EPC2: variants seen among roughly 807,000 people sequenced by gnomAD.
EPC2 encodes enhancer of polycomb homolog 2.
A neutral mutation model predicts 92.1 loss-of-function variants in EPC2; 14 were observed. The observed-to-expected ratio is 0.15, with a 90% CI of 0.10 to 0.24. EPC2 has a LOEUF of 0.24. Ranked by LOEUF, EPC2 falls within the 10% of genes least tolerant of loss-of-function variation. The pLI is 1.00. For synonymous variants in EPC2, 340 were observed against 334.7 expected (o/e 1.02, Z -0.17); for missense variants, 755 against 971.5 (o/e 0.78, Z 2.96).
At chr2:148,749,053 C>T (rs745736685) in intron 3 of EPC2, among the ~76,000 whole-genome samples, 1 of 152,146 alleles carries the variant, frequency 6.6e-6, no homozygotes, top group Admixed American at 6.6e-5. Flanking sequence ...TCTTTCTGGT[C>T]CTCTAATGTA....
intron 2 of EPC2, among the ~76,000 whole-genome samples, chr2:148,728,752 G>T (rs1199276782): frequency 1.3e-4 from 19 of 150,352 alleles, no homozygotes; most frequent in African/African-American, 4.6e-4. Context: ...TTAAAAAAAG[G>T]CCGGGCACGG....
At chr2:148,778,682 T>G (rs1558838566) in intron 10 of EPC2, among the ~76,000 whole-genome samples, 1 of 152,160 alleles carries the variant, frequency 6.6e-6, no homozygotes, top group Non-Finnish European at 1.5e-5. Flanking sequence ...GTTTTGTATG[T>G]GTTCCAATTT....
At chr2:148,759,241 C>CGTG (rs1430187950) in intron 4 of EPC2, among the ~76,000 whole-genome samples, 1 of 152,040 alleles carries the variant, frequency 6.6e-6, no homozygotes, top group Non-Finnish European at 1.5e-5. Context: ...TACAGGCGCC[C>CGTG]ATCACCACAC....
At chr2:148,659,434 A>G (rs1680888867) in intron 1 of EPC2, among the ~76,000 whole-genome samples, 3 of 152,124 alleles carry the variant, frequency 2.0e-5, no homozygotes, top group African/African-American at 7.2e-5. Context: ...TTTTCTGAGA[A>G]ATCTGAGGAG....
In EPC2 at chr2:148,726,353, T is replaced by C. The variant is rs182497541; in HGVS notation, c.314-17269T>C. 3.9e-5 allele frequency among the ~76,000 whole-genome samples: 6 copies of C among 152,302 alleles called. No homozygotes were observed. In the East Asian group the frequency reaches 1.2e-3, roughly 29 times the overall value. On this transcript the variant is annotated intron_variant, in intron 2 of 13. Transcript: ENST00000258484. ...GATCATATAGTAGTTCTATTTTAAA[T>C]TTTTTCAGAAACTACTCCTGTTTTT...
intron 1 of EPC2, among the ~76,000 whole-genome samples, chr2:148,667,134 A>G (rs1681070924): frequency 6.6e-6 from 1 of 152,224 alleles, no homozygotes; most frequent in Non-Finnish European, 1.5e-5. Flanking sequence ...GTGTTTTAAG[A>G]TACCAGTAGG....
At chr2:148,699,847 A>G (rs1056584047) in intron 2 of EPC2, among the ~76,000 whole-genome samples, 2 of 152,190 alleles carry the variant, frequency 1.3e-5, no homozygotes, top group African/African-American at 4.8e-5. Flanking sequence ...ATTCCCACTG[A>G]CAGTGAATGA....
chr2:148,728,947 G>T (rs1682559603), intron 2 of EPC2, among the ~76,000 whole-genome samples: 1 of 147,394 alleles, frequency 6.8e-6, no homozygotes. Context: ...CAGGAGAATG[G>T]TGTGAACCCG....
intron 2 of EPC2, among the ~76,000 whole-genome samples, chr2:148,694,946 T>C (rs765163157): frequency 8.5e-5 from 13 of 152,238 alleles, no homozygotes; most frequent in Non-Finnish European, 1.6e-4. Context: ...CTAATTTTTG[T>C]ATTTTTAGTA....
At chr2:148,654,079 C>G (rs1680740561) in intron 1 of EPC2, among the ~76,000 whole-genome samples, 1 of 151,620 alleles carries the variant, frequency 6.6e-6, no homozygotes. Context: ...TCCCAAGTAG[C>G]TTGGGACTAT....
At position 148,681,740 on chromosome 2, in the gene EPC2, C is replaced by CT. The variant is rs1302045820; in HGVS notation, c.154-8471dup. 2.6e-5 allele frequency among the ~76,000 whole-genome samples: 4 copies of CT among 151,932 alleles called. No individual in the cohort carries two copies. The South Asian group carries it at 6.2e-4, about 24-fold the overall frequency. ...TTTCTTTCTTTCTTTTTTAATTATA[C>CT]TTTAAGTTCTAGGGTACATGTGCAC... On this transcript the variant is annotated intron_variant, in intron 1 of 13. Coordinates refer to ENST00000258484, the MANE Select transcript of EPC2 (RefSeq NM_015630.4).
chr2:148,651,362 C>T (rs556058345), intron 1 of EPC2, among the ~76,000 whole-genome samples: 3 of 152,306 alleles, frequency 2.0e-5, no homozygotes, highest in Middle Eastern at 3.4e-3. Context: ...TTCGTTCGGA[C>T]ATGCAGACAT....
At chr2:148,739,025 A>G (rs1213937558) in intron 2 of EPC2, among the ~76,000 whole-genome samples, 1 of 152,200 alleles carries the variant, frequency 6.6e-6, no homozygotes, top group Non-Finnish European at 1.5e-5. Flanking sequence ...GGAAGGAAGA[A>G]CCACTGGAGA....
intron 1 of EPC2, among the ~76,000 whole-genome samples, chr2:148,685,496 C>G (rs982782132): frequency 6.6e-6 from 1 of 152,216 alleles, no homozygotes; most frequent in South Asian, 2.1e-4. Context: ...CACGGTGGCT[C>G]ACGCCTGTAA....
intron 2 of EPC2, among the ~76,000 whole-genome samples, chr2:148,724,647 A>G (rs1240432559): frequency 6.6e-6 from 1 of 152,162 alleles, no homozygotes; most frequent in African/African-American, 2.4e-5. Flanking sequence ...CTCAGTTTTC[A>G]TGATATAAAG....
rs774062107 is a variant in EPC2, at chr2:148,689,599, G to C, written c.154-615G>C. ...TGTTTTATTGGGAATGGGCCATTGT[G>C]GGGGAAGGGAGGAAGGAGGGAAAAT... On this transcript the variant is annotated intron_variant, in intron 1 of 13. Transcript: ENST00000258484. Among the ~76,000 whole-genome samples, 2 of 152,136 alleles carry C rather than the reference G, an allele frequency of 1.3e-5. 1 individual carries two copies. The highest frequency in any genetic ancestry group is 4.1e-4 in the South Asian group (2 of 4,832).
Position 148,680,280 on chromosome 2 carries a change from T to C in EPC2, c.154-9934T>C, listed in dbSNP as rs146435735. 4.2e-4 allele frequency among the ~76,000 whole-genome samples: 64 copies of C among 152,318 alleles called. 1 individual carries two copies. In the East Asian group the frequency reaches 0.012, roughly 29 times the overall value. ...GATGAGTGGTTTGACTAGTTGAGAT[T>C]GGACATGCTTGTGAAGTTCAAACAT... On this transcript the variant is annotated intron_variant, in intron 1 of 13. Transcript: ENST00000258484.
At chr2:148,785,528 A>T (rs1401472847) in intron 13 of EPC2, among the ~76,000 whole-genome samples, 5 of 152,124 alleles carry the variant, frequency 3.3e-5, no homozygotes, top group South Asian at 2.1e-4. Context: ...GGGTTTCACC[A>T]TGTTGGCCGG....
intron 2 of EPC2, among the ~76,000 whole-genome samples, chr2:148,729,904 TAA>T: frequency 6.6e-6 from 1 of 152,200 alleles, no homozygotes; most frequent in Non-Finnish European, 1.5e-5. Flanking sequence ...TTTTGGCCAG[TAA>T]TATTTGTTAC....
Sources: gnomAD v4.1 joint callset for allele counts (sites outside exome capture counted in the v4.1 genomes callset) on GRCh38, gnomAD v4.1.1 for gene constraint, MANE v1.5 for transcripts, NCBI Gene and HGNC (gene_info 2026-07-23, HGNC 2026-07-21) for gene names.